Variants in LRP1B observed in about 807,000 individuals in gnomAD.
The protein encoded by LRP1B is low-density lipoprotein receptor-related protein 1B.
LRP1B carries 217 observed loss-of-function variants against 556.6 expected under a neutral mutation model. The observed-to-expected ratio is 0.39, with a 90% CI of 0.35 to 0.44. The LOEUF (loss-of-function observed/expected upper bound fraction) is 0.44, where lower values mean the gene tolerates loss of function less well. Among genes scored for constraint, LRP1B ranks in the 20% least tolerant of loss-of-function variants. The pLI, the probability that LRP1B is intolerant of heterozygous loss-of-function variation, is 1.00. For missense variants in LRP1B, 5,053 were observed against 5,620.8 expected, an observed-to-expected ratio of 0.90 and a Z score of 3.23; for synonymous variants, 2,047 against 1,865.8, an observed-to-expected ratio of 1.10 and a Z score of -2.50.
intron 7 of LRP1B, among the ~76,000 whole-genome samples, chr2:141,136,721 T>C (rs1701502111): frequency 6.6e-6 from 1 of 151,760 alleles, no homozygotes; most frequent in Non-Finnish European, 1.5e-5. Context: ...AGTAATTAGC[T>C]ACATAAATTG....
At chr2:142,052,489 CAG>C (rs1704495911) in intron 1 of LRP1B, among the ~76,000 whole-genome samples, 1 of 152,118 alleles carries the variant, frequency 6.6e-6, no homozygotes, top group Non-Finnish European at 1.5e-5. Context: ...AGATTATCCT[CAG>C]AGTTTCAGTT....
chr2:141,037,411 T>C (rs1367681504), intron 11 of LRP1B, among the ~76,000 whole-genome samples: 1 of 152,106 alleles, frequency 6.6e-6, no homozygotes, highest in Non-Finnish European at 1.5e-5. Flanking sequence ...ACCTCAACTC[T>C]AGTGATGGAG....
chr2:140,528,499 T>C (rs2104976972), intron 47 of LRP1B, among the ~76,000 whole-genome samples: 1 of 151,800 alleles, frequency 6.6e-6, no homozygotes, highest in Middle Eastern at 3.4e-3. Flanking sequence ...ATTTTTTTTT[T>C]CCTATTTTCC....
chr2:140,321,538 A>AAATT (rs939939570), intron 82 of LRP1B, among the ~76,000 whole-genome samples: 1 of 152,096 alleles, frequency 6.6e-6, no homozygotes, highest in African/African-American at 2.4e-5. Context: ...TTTGGTTTCT[A>AAATT]AATTAATTCT....
intron 2 of LRP1B, among the ~76,000 whole-genome samples, chr2:141,557,501 T>C (rs929197500): frequency 6.6e-6 from 1 of 151,890 alleles, no homozygotes; most frequent in African/African-American, 2.4e-5. Flanking sequence ...TGTGGCAATA[T>C]GTCTAAGTTC....
chr2:140,402,779 A>G (rs1354060773), intron 66 of LRP1B, among the ~76,000 whole-genome samples: 1 of 152,198 alleles, frequency 6.6e-6, no homozygotes, highest in East Asian at 1.9e-4. Flanking sequence ...TGCTTTACCT[A>G]CAACTAGTTT....
chr2:140,813,543 T>C, intron 32 of LRP1B, 114 bp downstream of exon 32: 4 of 848,014 alleles, frequency 4.7e-6, no homozygotes, highest in Non-Finnish European at 7.6e-6. Context: ...GTGTTCAATT[T>C]GAATATAGTT....
At chr2:141,760,652 T>C (rs1057148114) in intron 2 of LRP1B, among the ~76,000 whole-genome samples, 3 of 152,202 alleles carry the variant, frequency 2.0e-5, no homozygotes, top group Non-Finnish European at 4.4e-5. Context: ...GGGTCATGGA[T>C]TGTTACAGAG....
At chr2:140,819,803 A>G (rs1241776582) in intron 31 of LRP1B, among the ~76,000 whole-genome samples, 2 of 152,196 alleles carry the variant, frequency 1.3e-5, no homozygotes, top group East Asian at 1.9e-4. Context: ...AATGCCAACA[A>G]GGATACAGAG....
chr2:141,394,997 CATA>C (rs1230262273), intron 3 of LRP1B, among the ~76,000 whole-genome samples: 1 of 152,008 alleles, frequency 6.6e-6, no homozygotes, highest in Non-Finnish European at 1.5e-5. Flanking sequence ...TCATGCTCTG[CATA>C]ATGAGATTTT....
At chr2:141,724,028 GA>G (rs1313776183) in intron 2 of LRP1B, among the ~76,000 whole-genome samples, 1 of 151,794 alleles carries the variant, frequency 6.6e-6, no homozygotes, top group African/African-American at 2.4e-5. Flanking sequence ...ATGATTACTG[GA>G]AAGATTTAGT....
At chr2:140,683,811 G>A in intron 41 of LRP1B, 1 of 772,506 alleles carries the variant, frequency 1.3e-6, no homozygotes, top group Non-Finnish European at 2.2e-6. Flanking sequence ...CCGGGCTAGG[G>A]GATGCCTTCC....
chr2:141,808,147 T>G (rs150041976), intron 2 of LRP1B, among the ~76,000 whole-genome samples: 68 of 152,172 alleles, frequency 4.5e-4, no homozygotes, highest in African/African-American at 1.6e-3. Context: ...AACCTAGATG[T>G]GCCATGCCAC....
At chr2:141,519,906 C>A (rs994358570) in intron 2 of LRP1B, among the ~76,000 whole-genome samples, 24 of 152,220 alleles carry the variant, frequency 1.6e-4, no homozygotes, top group Middle Eastern at 3.4e-3. Context: ...CTTTGAGGAC[C>A]AGACAGTAGC....
intron 2 of LRP1B, among the ~76,000 whole-genome samples, chr2:141,627,418 C>T (rs1688739850): frequency 6.6e-6 from 1 of 152,162 alleles, no homozygotes; most frequent in African/African-American, 2.4e-5. Flanking sequence ...GTGTCGCCAG[C>T]CCCCTGGCAG....
At chr2:140,518,557 A>T (rs1690016398) in intron 49 of LRP1B, among the ~76,000 whole-genome samples, 1 of 152,210 alleles carries the variant, frequency 6.6e-6, no homozygotes, top group Non-Finnish European at 1.5e-5. Flanking sequence ...ATACTGAGGT[A>T]AAGAATGTGT....
intron 35 of LRP1B, among the ~76,000 whole-genome samples, chr2:140,738,648 A>G (rs766133902): frequency 1.3e-5 from 2 of 152,086 alleles, no homozygotes; most frequent in African/African-American, 2.4e-5. Flanking sequence ...AATTTCTTAG[A>G]ATTACTCTGC....
chr2:141,194,551 T>A (rs1332588554), intron 6 of LRP1B, among the ~76,000 whole-genome samples: 3 of 152,028 alleles, frequency 2.0e-5, no homozygotes, highest in Non-Finnish European at 2.9e-5. Context: ...CTCTCAATTT[T>A]TTAATGTTAT....
intron 15 of LRP1B, among the ~76,000 whole-genome samples, chr2:140,997,840 G>A (rs571907913): frequency 3.9e-5 from 6 of 151,974 alleles, no homozygotes; most frequent in Non-Finnish European, 7.4e-5. Context: ...GGAAGACTGT[G>A]TGAAAAATGC....
Sources: gnomAD v4.1 joint callset for allele counts (sites outside exome capture counted in the v4.1 genomes callset) on GRCh38, gnomAD v4.1.1 for gene constraint, MANE v1.5 for transcripts, NCBI Gene and HGNC (gene_info 2026-07-23, HGNC 2026-07-21) for gene names.